The following FBXL13 variants were observed in gnomAD, a reference collection of about 807,000 sequenced individuals.
FBXL13 encodes F-box and leucine-rich repeat protein 13.
A neutral mutation model predicts 83.6 loss-of-function variants in FBXL13; 67 were observed. The ratio of observed to expected loss-of-function variants is 0.80; its 90% CI spans 0.66 to 0.98. The LOEUF (loss-of-function observed/expected upper bound fraction) is 0.98, where lower values mean the gene tolerates loss of function less well. FBXL13 is among the 50% of genes least tolerant of loss of function. The probability of loss-of-function intolerance (pLI) is 0.00; values close to 1 mark genes in which losing one functional copy is unlikely to be tolerated. For synonymous variants in FBXL13, 272 were observed against 299.5 expected, an observed-to-expected ratio of 0.91 and a Z score of 0.95; for missense variants, 822 against 866.5, an observed-to-expected ratio of 0.95 and a Z score of 0.64.
chr7:102,890,295 T>C (rs967888079), intron 11 of FBXL13, among the ~76,000 whole-genome samples: 1 of 152,242 alleles, frequency 6.6e-6, no homozygotes, highest in African/African-American at 2.4e-5. Flanking sequence ...GTGCATTTTC[T>C]GTGTAGGATT....
At chr7:103,054,717 A>G (rs1163660222) in intron 2 of FBXL13, among the ~76,000 whole-genome samples, 2 of 152,214 alleles carry the variant, frequency 1.3e-5, no homozygotes, top group Non-Finnish European at 2.9e-5. Flanking sequence ...GGAATGGAAC[A>G]CAGAAGGAAG....
intron 2 of FBXL13, among the ~76,000 whole-genome samples, chr7:103,041,619 C>G (rs1795710710): frequency 6.6e-6 from 1 of 152,198 alleles, no homozygotes; most frequent in Admixed American, 6.5e-5. Flanking sequence ...AAAAGCTTAT[C>G]CACCACAATC....
chr7:102,820,516 A>G (rs1211531341), intron 19 of FBXL13, among the ~76,000 whole-genome samples: 1 of 152,220 alleles, frequency 6.6e-6, no homozygotes, highest in Non-Finnish European at 1.5e-5. Flanking sequence ...AAGACCGAGC[A>G]GTTAAGGCAG....
At chr7:103,026,250 T>G (rs1793903565) in intron 5 of FBXL13, among the ~76,000 whole-genome samples, 2 of 152,006 alleles carry the variant, frequency 1.3e-5, no homozygotes, top group Admixed American at 1.3e-4. Context: ...GAGATTCTCC[T>G]GACTCAGCCT....
chr7:103,067,903 T>C (rs942788420), intron 1 of FBXL13, among the ~76,000 whole-genome samples: 1 of 152,142 alleles, frequency 6.6e-6, no homozygotes, highest in African/African-American at 2.4e-5. Flanking sequence ...AATAAGGACA[T>C]AAGAGTAATA....
intron 1 of FBXL13, among the ~76,000 whole-genome samples, chr7:103,058,525 C>G (rs1282207569): frequency 6.6e-6 from 1 of 152,170 alleles, no homozygotes; most frequent in Non-Finnish European, 1.5e-5. Flanking sequence ...GGTGAAAAGC[C>G]CATCTGCTCT....
intron 1 of FBXL13, among the ~76,000 whole-genome samples, chr7:103,073,549 C>T (rs1289944034): frequency 6.6e-6 from 1 of 152,076 alleles, no homozygotes; most frequent in African/African-American, 2.4e-5. Context: ...TACAGATATA[C>T]TTTATTCTAC....
intron 6 of FBXL13, among the ~76,000 whole-genome samples, chr7:102,987,840 T>C (rs560896569): frequency 2.6e-5 from 4 of 151,994 alleles, no homozygotes; most frequent in African/African-American, 9.6e-5. Flanking sequence ...ATAAGAGAGG[T>C]GGGGAAGTAA....
In FBXL13 at chr7:102,873,796, TCA is replaced by T. The variant is rs1231124940; in HGVS notation, c.1635+3669_1635+3670del. 2.6e-5 allele frequency among the ~76,000 whole-genome samples: 4 copies of T among 152,194 alleles called. No individual in the cohort carries two copies. The East Asian group carries it at 7.7e-4, about 29-fold the overall frequency. On this transcript the variant is annotated intron_variant, in intron 16 of 19. Transcript: ENST00000313221. ...CCAAATGTGTAGGTTTCTTGATATCTCACACTTTTAAACCTCCATGCCTTTGT... is the reference window on the plus strand; with the variant it reads ...CCAAATGTGTAGGTTTCTTGATATCTCACTTTTAAACCTCCATGCCTTTGT...
chr7:102,969,522 G>A (rs1045579003), intron 6 of FBXL13, among the ~76,000 whole-genome samples: 1 of 151,868 alleles, frequency 6.6e-6, no homozygotes, highest in African/African-American at 2.4e-5. Context: ...GAGAAATCCA[G>A]GATTATGAAA....
In FBXL13 at chr7:102,824,762, A is replaced by G. The variant is rs576101536; in HGVS notation, c.1855-2559T>C. On this transcript the variant is annotated intron_variant, in intron 18 of 19. Transcript: ENST00000313221. ...TGGCCTCCTAAAGTGCTGGGATTAC[A>G]GGCGTGAGCCACCATGCCCGGCCTT... is the stretch of plus-strand genomic sequence containing the variant. 2.7e-5 allele frequency among the ~76,000 whole-genome samples: 4 copies of G among 149,342 alleles called. No homozygotes were observed. In the South Asian group the frequency reaches 6.4e-4, roughly 24 times the overall value.
intron 8 of FBXL13, among the ~76,000 whole-genome samples, chr7:102,955,557 G>C (rs1465399129): frequency 6.7e-6 from 1 of 148,544 alleles, no homozygotes; most frequent in African/African-American, 2.5e-5. Context: ...GAAAGAGATA[G>C]AGACACAAAA....
intron 8 of FBXL13, among the ~76,000 whole-genome samples, chr7:102,951,375 C>CTAAATATATAAATAAA (rs1823365594): frequency 7.5e-6 from 1 of 133,904 alleles, no homozygotes; most frequent in Non-Finnish European, 1.6e-5. Flanking sequence ...GACTCCATCT[C>CTAAATATATAAATAAA]TAAATAAATA....
chr7:103,016,502 G>A (rs901788977), intron 6 of FBXL13, among the ~76,000 whole-genome samples: 3 of 151,966 alleles, frequency 2.0e-5, no homozygotes, highest in Non-Finnish European at 2.9e-5. Flanking sequence ...GCAGCCCACC[G>A]AGCGAGAGCC....
intron 11 of FBXL13, among the ~76,000 whole-genome samples, chr7:102,903,939 C>CTTTTCTTTTTT (rs1321420603): frequency 1.9e-3 from 82 of 43,448 alleles, no homozygotes; most frequent in African/African-American, 3.8e-3. Context: ...CTTTTCTTTT[C>CTTTTCTTTTTT]TTTTTTTTTT....
At chr7:102,991,098 T>G (rs574782255) in intron 6 of FBXL13, among the ~76,000 whole-genome samples, 1 of 152,142 alleles carries the variant, frequency 6.6e-6, no homozygotes, top group Non-Finnish European at 1.5e-5. Flanking sequence ...AATTTGATAG[T>G]AATGTCACTA....
chr7:103,028,370 A>G (rs1238075937), intron 4 of FBXL13, among the ~76,000 whole-genome samples: 2 of 152,204 alleles, frequency 1.3e-5, no homozygotes, highest in African/African-American at 4.8e-5. Flanking sequence ...GTATACATAC[A>G]CACAAATGCA....
Position 103,014,921 on chromosome 7 carries a change from C to CAA in FBXL13, c.495+10140_495+10141dup, listed in dbSNP as rs1166056647. 6.8e-3 allele frequency among the ~76,000 whole-genome samples: 140 copies of CAA among 20,580 alleles called. 6 individuals carry two copies. The highest frequency in any genetic ancestry group is 8.8e-3 in the Non-Finnish European group (68 of 7,700). The allele number at this position is 20,580 out of a possible 152,430, so 13.5% of individuals were successfully genotyped here. ...CCTGGGCGACAGGGAGACTCCGTCT[C>CAA]AAAAAAAAAAAAAAAAAAAAAAAAA... On this transcript the variant is annotated intron_variant, in intron 6 of 19. Transcript: ENST00000313221.
intron 14 of FBXL13, 100 bp from the exon 16 acceptor site, chr7:102,878,550 G>T: frequency 1.4e-6 from 1 of 739,860 alleles, no homozygotes; most frequent in Middle Eastern, 4.0e-4. Flanking sequence ...TTCTAAAATA[G>T]CAAGGTAATA....
Sources: gnomAD v4.1 joint callset for allele counts (sites outside exome capture counted in the v4.1 genomes callset) on GRCh38, gnomAD v4.1.1 for gene constraint, MANE v1.5 for transcripts, NCBI Gene and HGNC (gene_info 2026-07-23, HGNC 2026-07-21) for gene names.